The following CAMK2D variants were observed in gnomAD, a reference collection of about 807,000 sequenced individuals.
CAMK2D encodes calcium/calmodulin dependent protein kinase II delta.
A neutral mutation model predicts 84.0 loss-of-function variants in CAMK2D; 37 were observed. The ratio of observed to expected loss-of-function variants is 0.44; its 90% CI spans 0.34 to 0.58. The LOEUF is 0.58. Among genes scored for constraint, CAMK2D ranks in the 20% least tolerant of loss-of-function variants. The probability of loss-of-function intolerance (pLI) is 0.02; values close to 1 mark genes in which losing one functional copy is unlikely to be tolerated. For synonymous variants in CAMK2D, 202 were observed against 212.5 expected, an observed-to-expected ratio of 0.95 and a Z score of 0.43; for missense variants, 448 against 652.5, an observed-to-expected ratio of 0.69 and a Z score of 3.41.
intron 4 of CAMK2D, among the ~76,000 whole-genome samples, chr4:113,558,190 T>C (rs887566031): frequency 2.6e-5 from 4 of 152,244 alleles, no homozygotes; most frequent in Non-Finnish European, 5.9e-5. Context: ...AAACCACATA[T>C]ACAAAAGTTC....
chr4:113,693,380 A>G (rs2099393982), intron 2 of CAMK2D, among the ~76,000 whole-genome samples: 1 of 152,106 alleles, frequency 6.6e-6, no homozygotes, highest in Admixed American at 6.6e-5. Context: ...AGACTTTATT[A>G]GTGTAAAGCA....
chr4:113,531,486 G>T (rs1028552236), intron 7 of CAMK2D, among the ~76,000 whole-genome samples, 187 bp from the exon 8 acceptor site: 8 of 152,034 alleles, frequency 5.3e-5, no homozygotes, highest in African/African-American at 1.4e-4. Context: ...AGTATGCCCT[G>T]CCCTGTAACT....
At chr4:113,458,102 T>C (rs1043049370) in intron 18 of CAMK2D, among the ~76,000 whole-genome samples, 4 of 152,184 alleles carry the variant, frequency 2.6e-5, no homozygotes, top group South Asian at 2.1e-4. Flanking sequence ...GCCTATGAAC[T>C]TGTTTCTCAT....
At chr4:113,709,595 C>T (rs998918623) in intron 2 of CAMK2D, among the ~76,000 whole-genome samples, 8 of 135,584 alleles carry the variant, frequency 5.9e-5, no homozygotes, top group South Asian at 4.4e-4. Context: ...CACTATCTTA[C>T]AATCTTCCAA....
At chr4:113,536,856 G>A (rs1437008845) in intron 7 of CAMK2D, among the ~76,000 whole-genome samples, 1 of 152,006 alleles carries the variant, frequency 6.6e-6, no homozygotes, top group African/African-American at 2.4e-5. Context: ...AAATAACTAA[G>A]GTGAAATATA....
chr4:113,555,405 G>A (rs1038046593), intron 4 of CAMK2D, among the ~76,000 whole-genome samples: 1 of 151,980 alleles, frequency 6.6e-6, no homozygotes, highest in African/African-American at 2.4e-5. Context: ...GGTAGGACTG[G>A]GACTAACTCT....
At chr4:113,721,596 G>A (rs1218953104) in intron 2 of CAMK2D, among the ~76,000 whole-genome samples, 1 of 152,130 alleles carries the variant, frequency 6.6e-6, no homozygotes, top group African/African-American at 2.4e-5. Context: ...GGGACTCCAT[G>A]GTTGGTATAA....
rs539578688 is a variant in CAMK2D, at chr4:113,533,956, G to A, written c.518-2657C>T. On this transcript the variant is annotated intron_variant, in intron 7 of 20. Transcript: ENST00000511664. Reference sequence around the variant, plus strand: ...AATGCTTTGTATTATCTATTATGTTGTTTCGTATACATACTATGTTTTTTC... The same window carrying A: ...AATGCTTTGTATTATCTATTATGTTATTTCGTATACATACTATGTTTTTTC... Among the ~76,000 whole-genome samples, 3 of 151,214 alleles carry A rather than the reference G, an allele frequency of 2.0e-5. No individual in the cohort carries two copies. In the East Asian group the frequency reaches 5.8e-4, roughly 29 times the overall value.
chr4:113,635,544 T>C (rs562280171), intron 3 of CAMK2D, among the ~76,000 whole-genome samples: 1 of 152,294 alleles, frequency 6.6e-6, no homozygotes, highest in East Asian at 1.9e-4. Context: ...CAATGGAGTA[T>C]CCAGGACTCA....
At chr4:113,693,397 AT>A (rs2099394031) in intron 2 of CAMK2D, among the ~76,000 whole-genome samples, 1 of 152,178 alleles carries the variant, frequency 6.6e-6, no homozygotes, top group South Asian at 2.1e-4. Context: ...AGCATTTAAA[AT>A]ATTGCGTTTT....
chr4:113,464,100 A>T (rs1391997524), intron 17 of CAMK2D, among the ~76,000 whole-genome samples: 1 of 152,240 alleles, frequency 6.6e-6, no homozygotes, highest in African/African-American at 2.4e-5. Context: ...GTTTTATTCC[A>T]TGGTGGAGGA....
chr4:113,464,048 T>A, intron 17 of CAMK2D, among the ~76,000 whole-genome samples: 1 of 152,224 alleles, frequency 6.6e-6, no homozygotes, highest in East Asian at 1.9e-4. Flanking sequence ...AATCCCCCCA[T>A]ATCTGCCACC....
chr4:113,705,668 TC>T (rs1343980324), intron 2 of CAMK2D, among the ~76,000 whole-genome samples: 2 of 152,220 alleles, frequency 1.3e-5, no homozygotes, highest in African/African-American at 4.8e-5. Context: ...AATGTGCTCT[TC>T]TAAGAGACTA....
chr4:113,585,841 A>G (rs2098831810), intron 4 of CAMK2D, among the ~76,000 whole-genome samples: 1 of 152,188 alleles, frequency 6.6e-6, no homozygotes, highest in Non-Finnish European at 1.5e-5. Context: ...TAACTTAAGT[A>G]TTGCATCCAG....
intron 6 of CAMK2D, among the ~76,000 whole-genome samples, chr4:113,544,371 C>A (rs1392699099): frequency 2.0e-5 from 3 of 152,120 alleles, no homozygotes; most frequent in African/African-American, 7.2e-5. Context: ...AATTATTTTC[C>A]TATCGTTTTG....
At position 113,599,804 on chromosome 4, in the gene CAMK2D, T is replaced by C. The variant is rs924422973; in HGVS notation, c.275+9348A>G. On this transcript the variant is annotated intron_variant, in intron 4 of 20. Coordinates refer to ENST00000511664, the MANE Select transcript of CAMK2D (RefSeq NM_001321571.2). The stretch of plus-strand genomic sequence containing the variant: ...AAAATCCTAAGGAAGAGATAATAAA[T>C]TTACACTCATTAAGTGAAAGTGGGT... 2.0e-5 allele frequency among the ~76,000 whole-genome samples: 3 copies of C among 152,216 alleles called. No homozygotes were observed. In the Middle Eastern group the frequency reaches 0.01, roughly 518 times the overall value.
At chr4:113,686,922 G>T (rs1398524092) in intron 2 of CAMK2D, among the ~76,000 whole-genome samples, 1 of 151,234 alleles carries the variant, frequency 6.6e-6, no homozygotes, top group African/African-American at 2.4e-5. Flanking sequence ...TTAAAATAAA[G>T]ATATCTTTTA....
intron 4 of CAMK2D, among the ~76,000 whole-genome samples, chr4:113,570,490 T>A (rs184913326): frequency 3.7e-4 from 57 of 152,188 alleles, no homozygotes; most frequent in African/African-American, 1.4e-3. Context: ...TAGAAACAAA[T>A]ACATACATTT....
intron 4 of CAMK2D, 100 bp downstream of exon 4, chr4:113,609,052 G>A (rs2098988872): frequency 1.6e-6 from 1 of 633,572 alleles, no homozygotes; most frequent in Non-Finnish European, 2.9e-6. Context: ...AAAAAATATT[G>A]TAGCAGTCAG....
Sources: allele counts gnomAD v4.1 joint callset (sites outside exome capture counted in the v4.1 genomes callset), GRCh38; gene constraint gnomAD v4.1.1; transcripts MANE v1.5; gene names NCBI Gene and HGNC (gene_info 2026-07-23, HGNC 2026-07-21).